ADAMTS20: variants seen among roughly 807,000 people sequenced by gnomAD.
ADAMTS20 encodes the protein ADAM metallopeptidase with thrombospondin type 1 motif 20.
Under a neutral mutation model 260.1 loss-of-function variants are expected in ADAMTS20, and 225 were observed. The ratio of observed to expected loss-of-function variants is 0.87; its 90% CI spans 0.78 to 0.97. The LOEUF (loss-of-function observed/expected upper bound fraction) is 0.97, where lower values mean the gene tolerates loss of function less well. Ranked by LOEUF, ADAMTS20 falls within the 50% of genes least tolerant of loss-of-function variation. The pLI is 0.00. For missense variants in ADAMTS20, 2,400 were observed against 2,337.7 expected (o/e 1.03, Z -0.55); for synonymous variants, 802 against 769.5 (o/e 1.04, Z -0.70).
chr12:43,381,972 T>C lies in ADAMTS20; in HGVS notation c.4797+1586A>G, dbSNP rs978463185. Among the ~76,000 whole-genome samples the C allele has an allele frequency of 4.7e-4, 71 of 152,152 alleles. 1 individual carries two copies. The highest frequency in any genetic ancestry group is 3.4e-3 in the Middle Eastern group (1 of 294). ...GTTATGTTAAAAAAAAGATGGATTA[T>C]AACAAGTGCTGTTGATGACTGATGA... On this transcript the variant is annotated intron_variant, in intron 31 of 38. Transcript: ENST00000389420.
At chr12:43,431,213 TTTTTAATAAA>T (rs1941435815) in intron 22 of ADAMTS20, 109 bp downstream of exon 22, 1 of 1,025,600 alleles carries the variant, frequency 9.8e-7, no homozygotes, top group Non-Finnish European at 1.4e-6. Context: ...TTGCTGTTGT[TTTTTAATAAA>T]CCAAGCCAAA....
chr12:43,458,676 T>C (rs1007580763), intron 11 of ADAMTS20, among the ~76,000 whole-genome samples: 1 of 152,230 alleles, frequency 6.6e-6, no homozygotes, highest in Non-Finnish European at 1.5e-5. Flanking sequence ...CTAATCAGCT[T>C]CCTGCTCTAT....
chr12:43,453,681 A>G (rs1342526551), intron 12 of ADAMTS20, among the ~76,000 whole-genome samples: 1 of 152,120 alleles, frequency 6.6e-6, no homozygotes, highest in Non-Finnish European at 1.5e-5. Context: ...AAAAATGAAG[A>G]AAATGGATCT....
intron 2 of ADAMTS20, among the ~76,000 whole-genome samples, chr12:43,540,532 T>G (rs1209072468): frequency 1.3e-5 from 2 of 152,208 alleles, no homozygotes; most frequent in Admixed American, 6.5e-5. Context: ...TGCAGTGGAC[T>G]TTTTGTTCAA....
At chr12:43,444,348 T>G (rs1466372977) in intron 15 of ADAMTS20, among the ~76,000 whole-genome samples, 1 of 152,060 alleles carries the variant, frequency 6.6e-6, no homozygotes, top group Non-Finnish European at 1.5e-5. Flanking sequence ...AATAATGAAA[T>G]TTTTCAATTT....
chr12:43,418,511 T>C (rs1941173560), intron 28 of ADAMTS20, among the ~76,000 whole-genome samples: 1 of 152,198 alleles, frequency 6.6e-6, no homozygotes, highest in Admixed American at 6.5e-5. Context: ...GGTTTCACCA[T>C]GTTGGCCAGG....
chr12:43,388,467 T>C (rs1157553801), intron 29 of ADAMTS20, among the ~76,000 whole-genome samples: 1 of 152,216 alleles, frequency 6.6e-6, no homozygotes, highest in Non-Finnish European at 1.5e-5. Flanking sequence ...ACTGTTCCTA[T>C]TTGGCCATCT....
At chr12:43,445,436 CTA>C (rs1003130033) in intron 15 of ADAMTS20, among the ~76,000 whole-genome samples, 1 of 151,784 alleles carries the variant, frequency 6.6e-6, no homozygotes, top group Non-Finnish European at 1.5e-5. Context: ...ATAAAATGTA[CTA>C]TGTTTTTCAC....
At chr12:43,506,154 AC>A (rs111825614) in intron 3 of ADAMTS20, among the ~76,000 whole-genome samples, 1 of 113,990 alleles carries the variant, frequency 8.8e-6, no homozygotes, top group Non-Finnish European at 1.9e-5. Flanking sequence ...AACAACAACA[AC>A]AACAAAGGAA....
intron 31 of ADAMTS20, among the ~76,000 whole-genome samples, chr12:43,380,491 A>G (rs983914168): frequency 1.3e-5 from 2 of 151,686 alleles, no homozygotes; most frequent in African/African-American, 2.4e-5. Flanking sequence ...AAGAAGTAAA[A>G]CTATCTCTAT....
At chr12:43,417,872 C>T (rs1941161087) in intron 28 of ADAMTS20, among the ~76,000 whole-genome samples, 1 of 152,174 alleles carries the variant, frequency 6.6e-6, no homozygotes, top group Admixed American at 6.5e-5. Flanking sequence ...ACTCTGTCAT[C>T]CACTTTCAGT....
At chr12:43,506,158 C>CAAAAA (rs61024820) in intron 3 of ADAMTS20, among the ~76,000 whole-genome samples, 51,826 of 151,302 alleles carry the variant, frequency 0.34, 9,375 homozygotes, top group East Asian at 0.74. Flanking sequence ...ACAACAACAA[C>CAAAAA]AAAGGAAGGA....
chr12:43,401,778 A>G (rs945771065), intron 28 of ADAMTS20, among the ~76,000 whole-genome samples: 9 of 146,996 alleles, frequency 6.1e-5, no homozygotes, highest in African/African-American at 2.3e-4. Context: ...TGGCTCTCTT[A>G]TTGTCTTAAT....
chr12:43,543,044 A>C, intron 2 of ADAMTS20, among the ~76,000 whole-genome samples: 1 of 152,214 alleles, frequency 6.6e-6, no homozygotes, highest in East Asian at 1.9e-4. Context: ...TCATGCCCGT[A>C]ATCCCAACAC....
Position 43,383,790 on chromosome 12 carries a change from AT to A in ADAMTS20, c.4626+13del, listed in dbSNP as rs1565674342. 6 of 1,613,498 alleles carry A rather than the reference AT, an allele frequency of 3.7e-6. No homozygotes were observed. Among genetic ancestry groups the A allele is most frequent in the Non-Finnish European group, 5.1e-6 (6 of 1,179,518 alleles). ...ATATGCAGTGTCTTTGAAAATTTAC[AT>A]GTCGATACTCACATTCAGCCTCCCT... On this transcript the variant is annotated intron_variant, in intron 30 of 38. Coordinates refer to ENST00000389420, the MANE Select transcript of ADAMTS20 (RefSeq NM_025003.5).
At chr12:43,522,863 G>T (rs911900637) in intron 3 of ADAMTS20, among the ~76,000 whole-genome samples, 2 of 152,112 alleles carry the variant, frequency 1.3e-5, no homozygotes, top group African/African-American at 2.4e-5. Flanking sequence ...AACGTAAGTT[G>T]GATGACCTTG....
intron 4 of ADAMTS20, among the ~76,000 whole-genome samples, chr12:43,495,458 AG>A (rs1942664130): frequency 1.3e-5 from 2 of 152,330 alleles, no homozygotes; most frequent in South Asian, 4.1e-4. Flanking sequence ...GATCAATCAC[AG>A]TGGCTATTGT....
At chr12:43,451,534 C>G (rs1941864060) in intron 14 of ADAMTS20, among the ~76,000 whole-genome samples, 1 of 152,062 alleles carries the variant, frequency 6.6e-6, no homozygotes, top group African/African-American at 2.4e-5. Context: ...GTCCCTAACT[C>G]CAACTCTGCT....
chr12:43,548,945 C>T (rs2137534171), intron 2 of ADAMTS20, among the ~76,000 whole-genome samples: 1 of 152,084 alleles, frequency 6.6e-6, no homozygotes. Flanking sequence ...GGATTATTTA[C>T]TTGCCATTCA....
Sources: gnomAD v4.1 joint callset for allele counts (sites outside exome capture counted in the v4.1 genomes callset) on GRCh38, gnomAD v4.1.1 for gene constraint, MANE v1.5 for transcripts, NCBI Gene and HGNC (gene_info 2026-07-23, HGNC 2026-07-21) for gene names.